The following GXYLT2 variants were observed in gnomAD, a reference collection of about 807,000 sequenced individuals.
GXYLT2 encodes glucoside xylosyltransferase 2, also known as glycosyltransferase 8 domain containing 4.
GXYLT2 carries 53 observed loss-of-function variants against 45.8 expected under a neutral mutation model. That is an observed-to-expected ratio of 1.16 (90% CI 0.93 to 1.46). The LOEUF is 1.46. Ranked by LOEUF, GXYLT2 falls within the 40% of genes most tolerant of loss-of-function variation. The pLI, the probability that GXYLT2 is intolerant of heterozygous loss-of-function variation, is 0.00. For synonymous variants in GXYLT2, 219 were observed against 214.2 expected (o/e 1.02, Z -0.19); for missense variants, 551 against 544.4 (o/e 1.01, Z -0.12).
intron 3 of GXYLT2, among the ~76,000 whole-genome samples, chr3:72,924,408 GTCACATACTCC>G (rs982231750): frequency 2.1e-4 from 32 of 151,986 alleles, no homozygotes; most frequent in African/African-American, 7.7e-4. Context: ...TGCCAGCCTG[GTCACATACTCC>G]TCACATACTC....
intron 3 of GXYLT2, among the ~76,000 whole-genome samples, chr3:72,925,070 G>A (rs578230281): frequency 6.6e-6 from 1 of 152,218 alleles, no homozygotes; most frequent in Admixed American, 6.5e-5. Context: ...GCAGAGACCT[G>A]TGAGCAGAAT....
At chr3:72,953,074 C>A (rs1267351652) in intron 3 of GXYLT2, among the ~76,000 whole-genome samples, 2 of 152,022 alleles carry the variant, frequency 1.3e-5, no homozygotes, top group East Asian at 3.9e-4. Flanking sequence ...CTAAGCAGTT[C>A]GCACAGGAGA....
At chr3:72,968,944 G>A (rs867869727) in intron 6 of GXYLT2, among the ~76,000 whole-genome samples, 32 of 152,024 alleles carry the variant, frequency 2.1e-4, no homozygotes, top group African/African-American at 1.2e-4. Context: ...GGTGGCGAGC[G>A]CCTGTAGTCC....
intron 2 of GXYLT2, among the ~76,000 whole-genome samples, chr3:72,910,197 A>G (rs1249723281): frequency 6.6e-6 from 1 of 152,170 alleles, no homozygotes; most frequent in Non-Finnish European, 1.5e-5. Context: ...TAATCCTCAT[A>G]ATCTTCAAAG....
chr3:72,955,487 A>G lies in GXYLT2; in HGVS notation c.852+138A>G. 9 of 694,312 alleles carry G rather than the reference A, an allele frequency of 1.3e-5. No homozygotes were observed. In the South Asian group the frequency reaches 1.8e-4, roughly 14 times the overall value. The allele number at this position is 694,312 out of a possible 1,614,324, so 43.0% of individuals were successfully genotyped here. ...AGGATAAAAGGAACCAGAGAAAAGTATTTAGAAAATTATAGAATATTTGTT... is the reference window on the plus strand; with the variant it reads ...AGGATAAAAGGAACCAGAGAAAAGTGTTTAGAAAATTATAGAATATTTGTT... On this transcript the variant is annotated intron_variant, in intron 4 of 6. Coordinates refer to ENST00000389617, the MANE Select transcript of GXYLT2 (RefSeq NM_001080393.2).
intron 6 of GXYLT2, among the ~76,000 whole-genome samples, chr3:72,973,679 T>C (rs1711039990): frequency 6.6e-6 from 1 of 152,104 alleles, no homozygotes; most frequent in African/African-American, 2.4e-5. Context: ...GCTGTTGAGA[T>C]AGAGTTTACA....
Position 72,967,731 on chromosome 3 carries a change from C to A in GXYLT2, c.1149+12C>A, listed in dbSNP as rs1438626701. The A allele has an allele frequency of 2.5e-6, 4 of 1,611,954 alleles. No individual in the cohort carries two copies. The highest frequency in any genetic ancestry group is 1.1e-5 in the South Asian group (1 of 90,780). On this transcript the variant is annotated intron_variant, in intron 6 of 6. Coordinates refer to ENST00000389617, the MANE Select transcript of GXYLT2 (RefSeq NM_001080393.2). ...AAGCAATACGGGATGTAAGTGTGCC[C>A]TTGCTGCTGTTAGCAGATGTGCTTA...
chr3:72,933,280 G>T (rs1018938045), intron 3 of GXYLT2, among the ~76,000 whole-genome samples: 1 of 152,086 alleles, frequency 6.6e-6, no homozygotes, highest in Non-Finnish European at 1.5e-5. Context: ...AGCAGGTAAC[G>T]CTCCTATTAA....
chr3:72,961,445 C>T (rs1279439764), intron 5 of GXYLT2, among the ~76,000 whole-genome samples: 2 of 151,982 alleles, frequency 1.3e-5, no homozygotes, highest in Admixed American at 6.6e-5. Context: ...TGGGAAGTTG[C>T]CAAGGACCAA....
At chr3:72,942,676 C>T (rs1319062967) in intron 3 of GXYLT2, among the ~76,000 whole-genome samples, 1 of 151,044 alleles carries the variant, frequency 6.6e-6, no homozygotes, top group African/African-American at 2.4e-5. Context: ...TCTAAACATG[C>T]GAAAACATCA....
chr3:72,904,886 A>AT (rs1223118081), intron 1 of GXYLT2, among the ~76,000 whole-genome samples: 2 of 55,140 alleles, frequency 3.6e-5, no homozygotes, highest in Non-Finnish European at 1.4e-4. Context: ...ACAAAAAAAA[A>AT]AAAAAAAAAA....
At chr3:72,906,653 G>T (rs554313872) in intron 1 of GXYLT2, among the ~76,000 whole-genome samples, 2 of 152,254 alleles carry the variant, frequency 1.3e-5, no homozygotes, top group East Asian at 3.9e-4. Context: ...ACTTAGTAAA[G>T]ATTTGTTGAT....
intron 1 of GXYLT2, among the ~76,000 whole-genome samples, chr3:72,902,651 T>C (rs1470143982): frequency 1.3e-5 from 2 of 152,058 alleles, no homozygotes; most frequent in Non-Finnish European, 2.9e-5. Flanking sequence ...GGCAATATAG[T>C]GAGATCCCAT....
intron 2 of GXYLT2, among the ~76,000 whole-genome samples, chr3:72,912,232 A>AGT (rs1709645756): frequency 6.6e-6 from 1 of 151,878 alleles, no homozygotes; most frequent in Non-Finnish European, 1.5e-5. Context: ...CTTGTCTCGA[A>AGT]CACCTGACCT....
chr3:72,917,115 T>C (rs562986923), intron 2 of GXYLT2, among the ~76,000 whole-genome samples: 1 of 152,152 alleles, frequency 6.6e-6, no homozygotes, highest in Non-Finnish European at 1.5e-5. Flanking sequence ...GTTTTTGTGT[T>C]TGTTTTTTTG....
At chr3:72,954,399 C>CTGTTTGTGTGTGTGTG (rs1553709971) in intron 3 of GXYLT2, among the ~76,000 whole-genome samples, 1 of 133,850 alleles carries the variant, frequency 7.5e-6, no homozygotes, top group African/African-American at 3.0e-5. Context: ...TGCTCCCAGC[C>CTGTTTGTGTGTGTGTG]TGTGTGTGTG....
chr3:72,941,800 A>G (rs1319103098), intron 3 of GXYLT2, among the ~76,000 whole-genome samples: 1 of 152,212 alleles, frequency 6.6e-6, no homozygotes, highest in African/African-American at 2.4e-5. Flanking sequence ...AGATAAAAAT[A>G]AGAAAAAGAA....
rs183167761 is a variant in GXYLT2 at position 72,955,271 on chromosome 3, T to A, written c.774T>A (p.His258Gln). Residue 258 changes from histidine (H) to glutamine (Q), a missense_variant, in exon 4 of 7, where the codon CAT (histidine) becomes CAA (glutamine). Transcript: ENST00000389617. The part of the protein sequence containing the change: ...KIGWYSRFAR[H>Q]PFYGSAGVNS... ...GCTGGTACAGCCGCTTTGCTAGGCA[T>A]CCTTTCTATGGCTCTGCAGGAGTTA... is the stretch of plus-strand genomic sequence containing the variant. 23 of 1,614,036 alleles carry A rather than the reference T, an allele frequency of 1.4e-5. No individual in the cohort carries two copies. In the African/African-American group the frequency reaches 2.8e-4, roughly 20 times the overall value.
At chr3:72,967,947 A>G (rs934477304) in intron 6 of GXYLT2, among the ~76,000 whole-genome samples, 1 of 152,058 alleles carries the variant, frequency 6.6e-6, no homozygotes, top group African/African-American at 2.4e-5. Flanking sequence ...TTACTTAACC[A>G]AATTTACTTT....
Sources: gnomAD v4.1 joint callset for allele counts (sites outside exome capture counted in the v4.1 genomes callset) on GRCh38, gnomAD v4.1.1 for gene constraint, MANE v1.5 for transcripts, NCBI Gene and HGNC (gene_info 2026-07-23, HGNC 2026-07-21) for gene names.